Variants in CORO2B observed in about 807,000 individuals in gnomAD.
CORO2B encodes coronin-2B.
In CORO2B, 26 loss-of-function variants were observed where a neutral mutation model predicts 58.8. The ratio of observed to expected loss-of-function variants is 0.44; its 90% CI spans 0.32 to 0.61. The LOEUF (loss-of-function observed/expected upper bound fraction) is 0.61, where lower values mean the gene tolerates loss of function less well. Among genes scored for constraint, CORO2B ranks in the 20% least tolerant of loss-of-function variants. The pLI is 0.04. For synonymous variants in CORO2B, 242 were observed against 253.8 expected, an observed-to-expected ratio of 0.95 and a Z score of 0.44; for missense variants, 460 against 645.1, an observed-to-expected ratio of 0.71 and a Z score of 3.11.
At chr15:68,699,339 G>A (rs1178275605) in intron 3 of CORO2B, among the ~76,000 whole-genome samples, 3 of 152,136 alleles carry the variant, frequency 2.0e-5, no homozygotes, top group Non-Finnish European at 2.9e-5. Flanking sequence ...GACACTACAC[G>A]CTCCAGGGAA....
the CORO2B span, among the ~76,000 whole-genome samples, chr15:68,556,895 G>GC: frequency 3.3e-5 from 5 of 152,130 alleles, no homozygotes; most frequent in African/African-American, 1.2e-4. Context: ...TCCTAGTGAG[G>GC]AGGGGACTCA....
Position 68,715,255 on chromosome 15 carries a change from A to G in CORO2B, c.911A>G (p.Lys304Arg), listed in dbSNP as rs1431645483. ...CGGTACTACGAGATCAGCACTGAGA[A>G]GCCCTACCTGAGTTACCTCATGGAG... ...NIRYYEISTEKPYLSYLMEFR... is the reference protein window; with the variant it reads ...NIRYYEISTERPYLSYLMEFR... Residue 304 changes from lysine (K) to arginine (R), a missense_variant, in exon 8 of 12, where the codon AAG becomes AGG. Transcript: ENST00000261861. 6.2e-7 allele frequency: 1 copy of G among 1,614,060 alleles called. No homozygotes were observed. Among genetic ancestry groups the G allele is most frequent in the East Asian group, 2.2e-5 (1 of 44,864 alleles).
chr15:68,605,001 C>A (rs1900071970), intron 1 of CORO2B, among the ~76,000 whole-genome samples: 1 of 152,022 alleles, frequency 6.6e-6, no homozygotes, highest in Admixed American at 6.5e-5. Context: ...GTAATCCCAG[C>A]TACTCAGGAG....
chr15:68,657,353 C>T (rs370237698), intron 2 of CORO2B, among the ~76,000 whole-genome samples: 84 of 151,850 alleles, frequency 5.5e-4, no homozygotes, highest in African/African-American at 1.4e-3. Context: ...ACCATCTCTA[C>T]GAAATACAAA....
At chr15:68,610,275 C>T (rs1024577593) in intron 1 of CORO2B, among the ~76,000 whole-genome samples, 42 of 152,084 alleles carry the variant, frequency 2.8e-4, no homozygotes, top group African/African-American at 9.9e-4. Context: ...TCTAGCGCCT[C>T]GCCTCGTTTA....
intron 2 of CORO2B, among the ~76,000 whole-genome samples, chr15:68,670,439 C>T (rs1332543050): frequency 6.6e-6 from 1 of 152,126 alleles, no homozygotes; most frequent in Non-Finnish European, 1.5e-5. Flanking sequence ...CTCAGCCTCT[C>T]AAAGTGCTGG....
At chr15:68,720,484 A>G (rs1357673147) in intron 11 of CORO2B, among the ~76,000 whole-genome samples, 1 of 152,194 alleles carries the variant, frequency 6.6e-6, no homozygotes, top group Non-Finnish European at 1.5e-5. Flanking sequence ...AAGGTCTCTC[A>G]TGAGGGTACA....
the CORO2B span, among the ~76,000 whole-genome samples, chr15:68,564,794 T>G: frequency 5.6e-3 from 850 of 152,374 alleles, 6 homozygotes; most frequent in African/African-American, 0.02. Flanking sequence ...CCATTTTATC[T>G]GATTTTTGCA....
intron 1 of CORO2B, chr15:68,632,024 G>C (rs1247386120): frequency 1.0e-6 from 1 of 985,452 alleles, no homozygotes; most frequent in Non-Finnish European, 1.2e-6. Flanking sequence ...AGGGAGGCAG[G>C]GCTAGAGGGT....
At chr15:68,701,071 G>A (rs1372427373) in intron 3 of CORO2B, among the ~76,000 whole-genome samples, 1 of 152,066 alleles carries the variant, frequency 6.6e-6, no homozygotes, top group African/African-American at 2.4e-5. Context: ...CCCACCTCCC[G>A]AGCTCCGGAA....
intron 1 of CORO2B, among the ~76,000 whole-genome samples, chr15:68,623,698 G>A (rs1050524948): frequency 3.9e-5 from 6 of 152,198 alleles, no homozygotes; most frequent in African/African-American, 1.4e-4. Flanking sequence ...GTTGCTCCCA[G>A]GAGCAGCAGC....
At chr15:68,618,224 C>T (rs1358688464) in intron 1 of CORO2B, among the ~76,000 whole-genome samples, 1 of 152,154 alleles carries the variant, frequency 6.6e-6, no homozygotes, top group East Asian at 1.9e-4. Flanking sequence ...TTCTACTCTG[C>T]TTCATTTTTT....
chr15:68,603,691 C>T (rs1900038318), intron 1 of CORO2B, among the ~76,000 whole-genome samples: 1 of 152,106 alleles, frequency 6.6e-6, no homozygotes, highest in African/African-American at 2.4e-5. Flanking sequence ...TCCGCATCTG[C>T]ACAGAGGACA....
At chr15:68,628,842 CA>C (rs1336587084) in intron 1 of CORO2B, among the ~76,000 whole-genome samples, 2 of 152,202 alleles carry the variant, frequency 1.3e-5, no homozygotes, top group Non-Finnish European at 2.9e-5. Flanking sequence ...TTGCTGGGTA[CA>C]AGAGGCTTTC....
intron 2 of CORO2B, among the ~76,000 whole-genome samples, chr15:68,665,467 T>C (rs1295467880): frequency 1.3e-5 from 2 of 151,046 alleles, no homozygotes; most frequent in Admixed American, 6.6e-5. Flanking sequence ...TTCTAGCTTA[T>C]ATATTTTAAT....
chr15:68,648,072 C>T (rs1901510524), intron 2 of CORO2B, among the ~76,000 whole-genome samples: 1 of 149,772 alleles, frequency 6.7e-6, no homozygotes, highest in South Asian at 2.1e-4. Flanking sequence ...GTGGCTCACG[C>T]CTATAATCCC....
intron 1 of CORO2B, among the ~76,000 whole-genome samples, chr15:68,592,169 A>G (rs957175228): frequency 9.2e-5 from 14 of 152,126 alleles, no homozygotes; most frequent in African/African-American, 3.4e-4. Flanking sequence ...AGTTGTGACA[A>G]GTTCATGAGA....
At chr15:68,637,161 G>A (rs1458725821) in intron 1 of CORO2B, among the ~76,000 whole-genome samples, 1 of 152,200 alleles carries the variant, frequency 6.6e-6, no homozygotes, top group Non-Finnish European at 1.5e-5. Flanking sequence ...AAATGGTCAG[G>A]GCAGGGGTCT....
At chr15:68,646,519 T>C (rs1275011647) in intron 2 of CORO2B, among the ~76,000 whole-genome samples, 1 of 152,174 alleles carries the variant, frequency 6.6e-6, no homozygotes, top group Non-Finnish European at 1.5e-5. Flanking sequence ...GACCAGATCT[T>C]CCTCTCCATC....
Sources: allele counts gnomAD v4.1 joint callset (sites outside exome capture counted in the v4.1 genomes callset), GRCh38; gene constraint gnomAD v4.1.1; transcripts MANE v1.5; gene names NCBI Gene and HGNC (gene_info 2026-07-23, HGNC 2026-07-21).